Variants in CPA3 observed in about 807,000 individuals in gnomAD.
The protein encoded by CPA3 is carboxypeptidase A3.
In CPA3, 52 loss-of-function variants were observed where a neutral mutation model predicts 55.8. That is an observed-to-expected ratio of 0.93 (90% confidence interval 0.75 to 1.17). The LOEUF is 1.17. CPA3 is among the 50% of genes most tolerant of loss of function. The pLI, the probability that CPA3 is intolerant of heterozygous loss-of-function variation, is 0.00. For missense variants in CPA3, 547 were observed against 509.1 expected, an observed-to-expected ratio of 1.07 and a Z score of -0.72; for synonymous variants, 179 against 171.2, an observed-to-expected ratio of 1.05 and a Z score of -0.36.
chr3:148,865,298 A>G lies in CPA3; in HGVS notation c.-10A>G, dbSNP rs1245472185. The G allele has an allele frequency of 1.9e-6, 3 of 1,613,776 alleles. No individual in the cohort carries two copies. The highest frequency in any genetic ancestry group is 1.1e-5 in the South Asian group (1 of 91,030). On this transcript the variant is annotated 5_prime_UTR_variant, in exon 1 of 11. Coordinates refer to ENST00000296046, the MANE Select transcript of CPA3 (RefSeq NM_001870.4). ...CTGCCAGAGGGTCTCAAGGCAGGCA[A>G]AGAAGAACCATGAGGCTCATCCTGC...
intron 6 of CPA3, 187 bp from the exon 7 acceptor site, chr3:148,881,335 C>G (rs1368998567): frequency 6.3e-6 from 3 of 475,088 alleles, no homozygotes; most frequent in Non-Finnish European, 7.5e-6. Flanking sequence ...TGTCACTAGT[C>G]TAAATAAGTT....
chr3:148,896,670 A>G lies in CPA3; in HGVS notation c.1217A>G (p.Lys406Arg). Residue 406 changes from lysine (K) to arginine (R), a missense_variant, in exon 11 of 11, where the codon AAA (lysine) becomes AGA (arginine). Coordinates refer to ENST00000296046, the MANE Select transcript of CPA3 (RefSeq NM_001870.4). Reference sequence around the variant, plus strand: ...TGCAGAGAGACCATGCTAGCTGTCAAATTTATTGCCAAGTATATCCTCAAG... The same window carrying G: ...TGCAGAGAGACCATGCTAGCTGTCAGATTTATTGCCAAGTATATCCTCAAG... ...PTCRETMLAVKFIAKYILKHT... is the reference protein window; with the variant it reads ...PTCRETMLAVRFIAKYILKHT... 1 of 1,557,188 alleles carries G rather than the reference A, an allele frequency of 6.4e-7. No individual in the cohort carries two copies. The highest frequency in any genetic ancestry group is 8.8e-7 in the Non-Finnish European group (1 of 1,137,218).
Position 148,868,948 on chromosome 3 carries a change from G to A in CPA3, c.178G>A (p.Val60Ile), listed in dbSNP as rs138685459. 3.0e-5 allele frequency: 49 copies of A among 1,613,854 alleles called. No individual in the cohort carries two copies. The highest frequency in any genetic ancestry group is 6.7e-5 in the African/African-American group (5 of 74,900). Residue 60 changes from valine (V) to isoleucine (I), a missense_variant, in exon 3 of 11, where the codon GTA (valine) becomes ATA (isoleucine). By Grantham distance (29) the Val-to-Ile change is conservative. Transcript: ENST00000296046. ...DFWYPGATHH[V>I]AANMMVDFRV... ...CTGGTATCCAGGTGCCACCCACCAC[G>A]TAGCTGCTAATATGATGGTGGATTT...
At chr3:148,894,116 A>C (rs1342529121) in intron 10 of CPA3, among the ~76,000 whole-genome samples, 1 of 152,208 alleles carries the variant, frequency 6.6e-6, no homozygotes, top group Non-Finnish European at 1.5e-5. Flanking sequence ...AAATAAATTA[A>C]ATAATAGACT....
At chr3:148,874,835 C>A (rs1714165424) in intron 3 of CPA3, among the ~76,000 whole-genome samples, 1 of 152,302 alleles carries the variant, frequency 6.6e-6, no homozygotes, top group South Asian at 2.1e-4. Context: ...AAGAGTCAAA[C>A]ATCTACATAC....
At chr3:148,870,426 A>G (rs534946282) in intron 3 of CPA3, among the ~76,000 whole-genome samples, 14 of 152,256 alleles carry the variant, frequency 9.2e-5, no homozygotes, top group African/African-American at 2.9e-4. Flanking sequence ...TATTTATGAT[A>G]TTGCCACAAT....
At chr3:148,895,560 TC>T (rs1456009520) in intron 10 of CPA3, among the ~76,000 whole-genome samples, 1 of 152,224 alleles carries the variant, frequency 6.6e-6, no homozygotes, top group Non-Finnish European at 1.5e-5. Flanking sequence ...ACCAGTGGCA[TC>T]TTCTGCATTT....
Position 148,879,867 on chromosome 3 carries a change from T to C in CPA3, c.554T>C (p.Phe185Ser), listed in dbSNP as rs756425253. Reference sequence around the variant, plus strand: ...GCACGAGAATGGGTCTCCCCAGCATTCTGCCAGTGGTTTGTCTATCAGGTA... The same window carrying C: ...GCACGAGAATGGGTCTCCCCAGCATCCTGCCAGTGGTTTGTCTATCAGGTA... ...IHAREWVSPA[F>S]CQWFVYQATK... Residue 185 changes from phenylalanine to serine, a missense_variant, in exon 6 of 11, where the codon TTC (phenylalanine) becomes TCC (serine). By Grantham distance (155) the Phe-to-Ser change is radical. Coordinates refer to ENST00000296046, the MANE Select transcript of CPA3 (RefSeq NM_001870.4). 3.8e-5 allele frequency: 62 copies of C among 1,612,442 alleles called. No individual in the cohort carries two copies. Among genetic ancestry groups the C allele is most frequent in the Non-Finnish European group, 5.1e-5 (60 of 1,178,632 alleles).
rs1416622808 is a variant in CPA3, at chr3:148,882,575, A to G, written c.758A>G (p.Asn253Ser). 6.2e-7 allele frequency: 1 copy of G among 1,613,680 alleles called. No homozygotes were observed. Among genetic ancestry groups the G allele is most frequent in the South Asian group, 1.1e-5 (1 of 91,060 alleles). ...TGCATCGGCACTGACCTCAACAGGA[A>G]TTTTAATGCTTCATGGAACTGTGAG... ...SKCIGTDLNRNFNASWNSIPN... is the reference protein window; with the variant it reads ...SKCIGTDLNRSFNASWNSIPN... The change falls in exon 8 of 11, where the codon AAT becomes AGT. Residue 253 changes from asparagine (N) to serine (S), a missense_variant. Coordinates refer to ENST00000296046, the MANE Select transcript of CPA3 (RefSeq NM_001870.4).
Position 148,865,341 on chromosome 3 carries a change from A to G in CPA3, c.34A>G (p.Thr12Ala), listed in dbSNP as rs745400658. The G allele has an allele frequency of 2.7e-5, 43 of 1,614,032 alleles. No homozygotes were observed. Among genetic ancestry groups the G allele is most frequent in the Non-Finnish European group, 3.5e-5 (41 of 1,180,014 alleles). The change falls in exon 1 of 11, where the codon ACC (threonine) becomes GCC (alanine). Residue 12 changes from threonine (T) to alanine (A), a missense_variant. By Grantham distance (58) the Thr-to-Ala change is moderately conservative. Transcript: ENST00000296046. ...RLILPVGLIA[T>A]TLAIAPVRFD... ...CATCCTGCCTGTGGGTTTGATTGCT[A>G]CCACTCTTGCAATTGCTCCTGTCCG...
At chr3:148,876,450 C>T (rs113709487) in intron 3 of CPA3, among the ~76,000 whole-genome samples, 8,798 of 151,380 alleles carry the variant, frequency 0.058, 878 homozygotes, top group African/African-American at 0.2. Context: ...AATCTCAGCT[C>T]ACTGCAACCT....
chr3:148,885,380 G>A (rs1576583864), intron 9 of CPA3, among the ~76,000 whole-genome samples: 1 of 140,782 alleles, frequency 7.1e-6, no homozygotes, highest in Non-Finnish European at 1.5e-5. Context: ...TGGCATTACT[G>A]TATATAATCG....
intron 6 of CPA3, among the ~76,000 whole-genome samples, chr3:148,881,025 T>C (rs956948542): frequency 1.3e-5 from 2 of 151,946 alleles, no homozygotes; most frequent in African/African-American, 2.4e-5. Context: ...TTCAGTCAGA[T>C]ATAGAAAAAA....
At chr3:148,881,693 G>A (rs1714372533) in intron 7 of CPA3, 61 bp downstream of exon 7, 1 of 1,022,836 alleles carries the variant, frequency 9.8e-7, no homozygotes, top group African/African-American at 1.6e-5. Context: ...AATACACAAT[G>A]TTATGCATTC....
intron 3 of CPA3, 89 bp from the exon 4 acceptor site, chr3:148,878,352 G>A: frequency 8.7e-6 from 8 of 923,482 alleles, no homozygotes; most frequent in Non-Finnish European, 1.4e-5. Flanking sequence ...AGATAAAGGA[G>A]AAGGAAGAGA....
intron 3 of CPA3, among the ~76,000 whole-genome samples, chr3:148,875,809 A>G (rs1225373289): frequency 1.3e-5 from 2 of 152,200 alleles, no homozygotes; most frequent in Non-Finnish European, 2.9e-5. Context: ...ACATCAACGG[A>G]CAATAATTTG....
At chr3:148,870,906 T>C (rs1337575318) in intron 3 of CPA3, among the ~76,000 whole-genome samples, 2 of 152,104 alleles carry the variant, frequency 1.3e-5, no homozygotes, top group African/African-American at 2.4e-5. Flanking sequence ...GTGTCTCTTG[T>C]TTTGTTTTTT....
intron 10 of CPA3, among the ~76,000 whole-genome samples, chr3:148,891,507 C>T (rs1238294240): frequency 4.5e-5 from 6 of 132,124 alleles, no homozygotes; most frequent in Admixed American, 2.1e-4. Context: ...CACACACACA[C>T]ACACATACAC....
intron 2 of CPA3, among the ~76,000 whole-genome samples, chr3:148,867,997 G>A (rs2108028057): frequency 6.6e-6 from 1 of 152,296 alleles, no homozygotes; most frequent in Non-Finnish European, 1.5e-5. Context: ...CCAGGTTCAA[G>A]CAATTCTCCT....
Sources: allele counts gnomAD v4.1 joint callset (sites outside exome capture counted in the v4.1 genomes callset), GRCh38; gene constraint gnomAD v4.1.1; transcripts MANE v1.5; gene names NCBI Gene and HGNC (gene_info 2026-07-23, HGNC 2026-07-21).